Variants in PDPN observed in about 807,000 individuals in gnomAD.
The protein encoded by PDPN is PA2.26 antigen.
Under a neutral mutation model 23.2 loss-of-function variants are expected in PDPN, and 12 were observed. That is an observed-to-expected ratio of 0.52 (90% CI 0.33 to 0.84). The LOEUF is 0.84. Ranked by LOEUF, PDPN falls within the 40% of genes least tolerant of loss-of-function variation. The pLI, the probability that PDPN is intolerant of heterozygous loss-of-function variation, is 0.02. For synonymous variants in PDPN, 77 were observed against 76.7 expected (o/e 1.00, Z -0.02); for missense variants, 199 against 212.2 (o/e 0.94, Z 0.39).
intron 1 of PDPN, among the ~76,000 whole-genome samples, chr1:13,594,378 G>A (rs1302684670): frequency 1.3e-5 from 2 of 152,190 alleles, no homozygotes; most frequent in Non-Finnish European, 1.5e-5. Flanking sequence ...CACTGATTGA[G>A]CTAAAAGGTG....
At chr1:13,590,926 C>T (rs1006195155) in intron 1 of PDPN, among the ~76,000 whole-genome samples, 2 of 151,724 alleles carry the variant, frequency 1.3e-5, no homozygotes, top group Non-Finnish European at 2.9e-5. Flanking sequence ...CAACAGAAAG[C>T]GAGAATGAGA....
chr1:13,594,502 G>A (rs866258496), intron 1 of PDPN, among the ~76,000 whole-genome samples: 1 of 152,292 alleles, frequency 6.6e-6, no homozygotes, highest in South Asian at 2.1e-4. Context: ...ATAACAGGGA[G>A]CTGGTCAAGA....
At chr1:13,584,335 C>T (rs2100583157) in intron 1 of PDPN, 1 of 1,486,062 alleles carries the variant, frequency 6.7e-7, no homozygotes, top group African/African-American at 1.4e-5. Context: ...AATCCACAGG[C>T]TGCGAGGTGG....
chr1:13,611,686 A>G (rs1428158344), intron 3 of PDPN, among the ~76,000 whole-genome samples: 5 of 152,124 alleles, frequency 3.3e-5, no homozygotes, highest in Admixed American at 2.6e-4. Context: ...AATGTACTTA[A>G]TACCACTGAA....
chr1:13,585,099 G>T (rs1640141690), intron 1 of PDPN, among the ~76,000 whole-genome samples: 1 of 152,224 alleles, frequency 6.6e-6, no homozygotes, highest in African/African-American at 2.4e-5. Context: ...CTAAATGTTG[G>T]TTGAAGGAAT....
chr1:13,593,692 C>T (rs1477158011), intron 1 of PDPN, among the ~76,000 whole-genome samples: 1 of 152,170 alleles, frequency 6.6e-6, no homozygotes, highest in African/African-American at 2.4e-5. Flanking sequence ...CTTGCAAAAT[C>T]AGGGCATGCT....
At chr1:13,594,861 G>C (rs1640449245) in intron 1 of PDPN, among the ~76,000 whole-genome samples, 1 of 151,998 alleles carries the variant, frequency 6.6e-6, no homozygotes, top group Admixed American at 6.5e-5. Flanking sequence ...CGGGTGTGGT[G>C]GCGGGCACCT....
chr1:13,614,278 T>A, intron 4 of PDPN, 22 bp from the exon 5 acceptor site: 1 of 1,347,150 alleles, frequency 7.4e-7, no homozygotes, highest in Non-Finnish European at 1.1e-6. Flanking sequence ...GGGCTCATGC[T>A]TTTTTTCTCT....
rs35244657 is a variant in PDPN at position 13,599,011 on chromosome 1, C to CTTTTTTTTTTT, written c.68-8155_68-8145dup. Among the ~76,000 whole-genome samples, 73 of 127,040 alleles carry CTTTTTTTTTTT rather than the reference C, an allele frequency of 5.7e-4. 2 individuals carry two copies. Among genetic ancestry groups the CTTTTTTTTTTT allele is most frequent in the African/African-American group, 1.9e-3 (66 of 34,038 alleles). 83.3% of individuals were successfully genotyped at this position (127,040 alleles called of 152,430 possible). On this transcript the variant is annotated intron_variant, in intron 1 of 5. Coordinates refer to ENST00000621990, the MANE Select transcript of PDPN (RefSeq NM_006474.5). ...ACAGTCCAAGAAAGTGCCCCCCCTCCTTTTTTTTTTTTTTTTTGGAGATGG... is the reference window on the plus strand; with the variant it reads ...ACAGTCCAAGAAAGTGCCCCCCCTCCTTTTTTTTTTTTTTTTTTTTTTTTTTTTGGAGATGG...
chr1:13,585,475 A>G, intron 1 of PDPN: 1 of 1,323,798 alleles, frequency 7.6e-7, no homozygotes, highest in Non-Finnish European at 9.9e-7. Context: ...TTGGCGAGAC[A>G]ATGTGCAAAT....
At chr1:13,594,491 T>C (rs1415538073) in intron 1 of PDPN, among the ~76,000 whole-genome samples, 2 of 152,068 alleles carry the variant, frequency 1.3e-5, no homozygotes, top group African/African-American at 4.8e-5. Context: ...TAGAGAGGAA[T>C]ATAACAGGGA....
At position 13,610,618 on chromosome 1, in the gene PDPN, G is replaced by A. The variant is rs186297897; in HGVS notation, c.331+102G>A. ...AGAATAATCAATAGGGGGCATATTG[G>A]GATGCAAGAGTGACTTCTGAACCAA... On this transcript the variant is annotated intron_variant, in intron 3 of 5. Coordinates refer to ENST00000621990, the MANE Select transcript of PDPN (RefSeq NM_006474.5). The A allele has an allele frequency of 5.9e-5, 68 of 1,148,960 alleles. 1 individual carries two copies. In the East Asian group the frequency reaches 1.2e-3, roughly 21 times the overall value. The allele number at this position is 1,148,960 out of a possible 1,614,324, so 71.2% of individuals were successfully genotyped here. A position where few individuals can be genotyped will look rare whatever the true frequency, so the allele number is the denominator to read the frequency against.
chr1:13,585,072 C>T (rs997421449), intron 1 of PDPN, among the ~76,000 whole-genome samples: 4 of 152,230 alleles, frequency 2.6e-5, no homozygotes, highest in African/African-American at 7.2e-5. Flanking sequence ...CAATGCCTGG[C>T]ACATAGTAGT....
At chr1:13,613,953 C>T (rs1044896834) in intron 4 of PDPN, among the ~76,000 whole-genome samples, 2 of 148,554 alleles carry the variant, frequency 1.3e-5, no homozygotes, top group African/African-American at 5.0e-5. Flanking sequence ...AGTCTATTCC[C>T]TTAATGTCAG....
intron 1 of PDPN, among the ~76,000 whole-genome samples, chr1:13,586,751 C>T (rs978678215): frequency 1.4e-5 from 2 of 143,762 alleles, no homozygotes; most frequent in African/African-American, 5.3e-5. Context: ...TTTTACTACA[C>T]TACTCTGCCA....
In PDPN at chr1:13,607,244, G is replaced by A. The variant is rs535604694; in HGVS notation, c.139G>A (p.Glu47Lys). Residue 47 changes from glutamate (E) to lysine (K), a missense_variant, in exon 2 of 6, where the codon GAA becomes AAA. Physicochemically the swap from Glu to Lys is moderately conservative, Grantham distance 56. Transcript: ENST00000621990. ...AGGCGGCGTTGCCATGCCAGGTGCCGAAGATGATGTGGTGACTCCAGGAAC... is the reference window on the plus strand; with the variant it reads ...AGGCGGCGTTGCCATGCCAGGTGCCAAAGATGATGTGGTGACTCCAGGAAC... ...LEGGVAMPGA[E>K]DDVVTPGTSE... 1.5e-5 allele frequency: 24 copies of A among 1,614,122 alleles called. No individual in the cohort carries two copies. In the East Asian group the frequency reaches 1.8e-4, roughly 12 times the overall value.
intron 3 of PDPN, among the ~76,000 whole-genome samples, chr1:13,612,311 T>G (rs1640955407): frequency 1.3e-5 from 2 of 152,254 alleles, no homozygotes; most frequent in Admixed American, 1.3e-4. Context: ...TGCATGCTTA[T>G]GATCACAGTG....
chr1:13,602,024 T>C (rs1640654716), intron 1 of PDPN, among the ~76,000 whole-genome samples: 1 of 150,928 alleles, frequency 6.6e-6, no homozygotes, highest in Admixed American at 6.6e-5. Flanking sequence ...TTTGGGTGGC[T>C]CATGCCTTTG....
intron 1 of PDPN, among the ~76,000 whole-genome samples, chr1:13,595,106 G>A (rs1640459825): frequency 6.6e-6 from 1 of 151,986 alleles, no homozygotes; most frequent in African/African-American, 2.4e-5. Context: ...AAAACACCTC[G>A]TGGATTGTCT....
Sources: allele counts gnomAD v4.1 joint callset (sites outside exome capture counted in the v4.1 genomes callset), GRCh38; gene constraint gnomAD v4.1.1; transcripts MANE v1.5; gene names NCBI Gene and HGNC (gene_info 2026-07-23, HGNC 2026-07-21).